The following OLFM1 variants were observed in gnomAD, a reference collection of about 807,000 sequenced individuals.
OLFM1 encodes olfactomedin 1.
A neutral mutation model predicts 49.7 loss-of-function variants in OLFM1; 9 were observed. The ratio of observed to expected loss-of-function variants is 0.18; its 90% CI spans 0.11 to 0.32. The LOEUF is 0.32. OLFM1 is among the 10% of genes least tolerant of loss of function. The pLI is 1.00. For synonymous variants in OLFM1, 240 were observed against 271.8 expected, an observed-to-expected ratio of 0.88 and a Z score of 1.15; for missense variants, 369 against 661.8, an observed-to-expected ratio of 0.56 and a Z score of 4.85.
In OLFM1 at chr9:135,107,201, G is replaced by A. The variant is rs12005444; in HGVS notation, c.783+346G>A. Among the ~76,000 whole-genome samples the A allele has an allele frequency of 3.6e-3, 554 of 152,266 alleles. 7 individuals carry two copies. The highest frequency in any genetic ancestry group is 0.013 in the African/African-American group (527 of 41,548). On this transcript the variant is annotated intron_variant, in intron 5 of 5. Transcript: ENST00000371793. ...GCCCCAAGTCCATTTCTCTGGAGCC[G>A]AAACCCAGCCCTGACTTTTCCGGTC...
rs531849885 is a variant in OLFM1 at position 135,090,416 on chromosome 9, G to T, written c.300+72G>T. 2.5e-5 allele frequency: 36 copies of T among 1,468,698 alleles called. No homozygotes were observed. In the African/African-American group the frequency reaches 5.0e-4, roughly 20 times the overall value. The allele number at this position is 1,468,698 out of a possible 1,614,324, so 91.0% of individuals were successfully genotyped here. A position where few individuals can be genotyped will look rare whatever the true frequency, so the allele number is the denominator to read the frequency against. ...TGTGTGTGTGTGTGTGTACATGCCT[G>T]TGTGCTCACACCAGCACCAAGGCTT... On this transcript the variant is annotated intron_variant, in intron 2 of 5. Transcript: ENST00000371793.
chr9:135,103,756 T>C (rs1830901790), intron 4 of OLFM1, among the ~76,000 whole-genome samples: 1 of 152,198 alleles, frequency 6.6e-6, no homozygotes, highest in South Asian at 2.1e-4. Flanking sequence ...TCCCCAGTGA[T>C]GCCTCCTGAC....
intron 2 of OLFM1, 75 bp downstream of exon 2, chr9:135,090,419 T>G (rs1053802498): frequency 1.4e-6 from 2 of 1,460,878 alleles, no homozygotes; most frequent in Non-Finnish European, 9.3e-7. Context: ...CATGCCTGTG[T>G]GCTCACACCA....
Position 135,075,837 on chromosome 9 carries a change from G to A in OLFM1, c.96+35G>A. On this transcript the variant is annotated intron_variant, in intron 1 of 5. Transcript: ENST00000252854. ...TCCAACGCCATTTTCCTCCCTGCCA[G>A]GCGCCCGGCCCGGCCCCTCGGGAGC... 4 of 1,570,770 alleles carry A rather than the reference G, an allele frequency of 2.5e-6. No homozygotes were observed. The South Asian group carries it at 4.6e-5, about 18-fold the overall frequency.
In OLFM1 at chr9:135,120,298, C is replaced by T. The variant is rs1277449515; in HGVS notation, c.*120C>T. ...CGATCTTGAAAAATCATCAGCAGTG[C>T]GGATTCTGACATCGAGGGATGGCAT... On this transcript the variant is annotated 3_prime_UTR_variant, in exon 6 of 6. Transcript: ENST00000371793. The T allele has an allele frequency of 1.0e-5, 9 of 857,672 alleles. No individual in the cohort carries two copies. The highest frequency in any genetic ancestry group is 1.7e-5 in the African/African-American group (1 of 58,376). The allele number at this position is 857,672 out of a possible 1,614,324, so 53.1% of individuals were successfully genotyped here. A position where few individuals can be genotyped will look rare whatever the true frequency, so the allele number is the denominator to read the frequency against.
At chr9:135,115,025 C>A (rs10858338) in intron 5 of OLFM1, among the ~76,000 whole-genome samples, 65,212 of 152,056 alleles carry the variant, frequency 0.43, 15,344 homozygotes, top group African/African-American at 0.63. Flanking sequence ...CAAGCTTCTC[C>A]CTGCAAATGC....
intron 2 of OLFM1, 117 bp downstream of exon 2, chr9:135,090,461 T>C (rs1022969131): frequency 9.6e-7 from 1 of 1,040,426 alleles, no homozygotes; most frequent in African/African-American, 1.6e-5. Flanking sequence ...GCAGGCCCCA[T>C]TTTGACTCTT....
chr9:135,098,779 TTGTG>T lies in OLFM1; in HGVS notation c.676+287_676+290del, dbSNP rs374373319. On this transcript the variant is annotated intron_variant, in intron 4 of 5. Transcript: ENST00000371793. This position sits in a 1 kb window ranked among gnomAD's most constrained non-coding sequence, Gnocchi z 5.6. ...AAAAAATAGCATACCATCTGGCAGA[TTGTG>T]TGTGTGTGTGTGAATCGTATGTGTG... Among the ~76,000 whole-genome samples the T allele has an allele frequency of 5.9e-5, 9 of 151,454 alleles. No homozygotes were observed. Among genetic ancestry groups the T allele is most frequent in the African/African-American group, 2.2e-4 (9 of 41,218 alleles).
At chr9:135,078,416 G>T (rs981135257) in intron 1 of OLFM1, among the ~76,000 whole-genome samples, 2 of 152,238 alleles carry the variant, frequency 1.3e-5, no homozygotes, top group African/African-American at 4.8e-5. Flanking sequence ...AGGCGGACAG[G>T]CAGGGGGAGT....
chr9:135,116,460 T>C (rs1196509919), intron 5 of OLFM1, among the ~76,000 whole-genome samples: 1 of 152,064 alleles, frequency 6.6e-6, no homozygotes, highest in Non-Finnish European at 1.5e-5. Flanking sequence ...CCTTAGCAAG[T>C]TGATGCTGGT....
intron 5 of OLFM1, among the ~76,000 whole-genome samples, chr9:135,109,553 A>G (rs899401411): frequency 6.6e-6 from 1 of 152,098 alleles, no homozygotes; most frequent in Non-Finnish European, 1.5e-5. Flanking sequence ...GGCTACGGCC[A>G]TTCCAAGCCA....
Position 135,087,870 on chromosome 9 carries a change from A to G in OLFM1, c.-120A>G, listed in dbSNP as rs2119097349. 20 of 652,476 alleles carry G rather than the reference A, an allele frequency of 3.1e-5. No homozygotes were observed. Among genetic ancestry groups the G allele is most frequent in the South Asian group, 6.8e-5 (1 of 14,774 alleles). The allele number at this position is 652,476 out of a possible 1,614,324, so 40.4% of individuals were successfully genotyped here. A position where few individuals can be genotyped will look rare whatever the true frequency, so the allele number is the denominator to read the frequency against. ...GCGGCGGGCGGGCGGCGGCGGGCCG[A>G]GGGGGCGCGGGGACACAGCCAGGCG... On this transcript the variant is annotated 5_prime_UTR_variant, in exon 1 of 6. Transcript: ENST00000371793.
Position 135,090,234 on chromosome 9 carries a change from A to G in OLFM1, c.190A>G (p.Ser64Gly). Residue 64 changes from serine to glycine, a missense_variant, in exon 2 of 6, where the codon AGC (serine) becomes GGC (glycine). Ser to Gly is a moderately conservative substitution (Grantham distance 56). This residue lies in a region of OLFM1 where 55 missense variants were observed against 53.3 expected (regional missense o/e 1.03). Transcript: ENST00000371793. ...TNPEESWQVY[S>G]SAQDSEGRCI... ...CCCTGAGGAGAGCTGGCAGGTGTACAGCTCTGCCCAGGACAGCGAGGGCAG... is the reference window on the plus strand; with the variant it reads ...CCCTGAGGAGAGCTGGCAGGTGTACGGCTCTGCCCAGGACAGCGAGGGCAG... 1.2e-6 allele frequency: 2 copies of G among 1,613,748 alleles called. No homozygotes were observed. The highest frequency in any genetic ancestry group is 1.1e-5 in the South Asian group (1 of 91,046).
At chr9:135,076,389 G>A (rs1002231090) in intron 1 of OLFM1, 2 of 1,507,590 alleles carry the variant, frequency 1.3e-6, no homozygotes, top group Non-Finnish European at 1.8e-6. Context: ...ATGCCCGGCA[G>A]GAGGTGAGTG....
intron 5 of OLFM1, among the ~76,000 whole-genome samples, chr9:135,109,609 C>T (rs1373119673): frequency 2.0e-5 from 3 of 152,156 alleles, no homozygotes; most frequent in East Asian, 1.9e-4. Context: ...AGTGACATGT[C>T]CCCAGGTCCT....
At chr9:135,106,430 C>T (rs1048893471) in intron 4 of OLFM1, 1 of 343,222 alleles carries the variant, frequency 2.9e-6, no homozygotes, top group Non-Finnish European at 5.4e-6. Context: ...AGAGGTGCTG[C>T]TCCAGCACCC....
At chr9:135,091,600 C>T (rs1009944730) in intron 2 of OLFM1, among the ~76,000 whole-genome samples, 4 of 146,790 alleles carry the variant, frequency 2.7e-5, no homozygotes, top group Admixed American at 1.3e-4. Context: ...GTCACACACT[C>T]ACACATAGTC....
At chr9:135,078,739 G>A (rs189790285) in intron 1 of OLFM1, among the ~76,000 whole-genome samples, 32 of 152,298 alleles carry the variant, frequency 2.1e-4, no homozygotes, top group African/African-American at 7.0e-4. Flanking sequence ...CAGGCCCACC[G>A]CCACACCCCC....
At chr9:135,102,469 C>T (rs1218205920) in intron 4 of OLFM1, among the ~76,000 whole-genome samples, 2 of 152,236 alleles carry the variant, frequency 1.3e-5, no homozygotes, top group African/African-American at 4.8e-5. Context: ...CTCAGAAGCA[C>T]TGACTGAGTG....
Sources: gnomAD v4.1 joint callset for allele counts (sites outside exome capture counted in the v4.1 genomes callset) on GRCh38, gnomAD v4.1.1 for gene constraint, gnomAD v4.1.1 regional missense constraint, Gnocchi (gnomAD v3.1) non-coding constraint, MANE v1.5 for transcripts, NCBI Gene and HGNC (gene_info 2026-07-23, HGNC 2026-07-21) for gene names.